The following PYGB variants were observed in gnomAD, a reference collection of about 807,000 sequenced individuals.
PYGB encodes glycogen phosphorylase, brain form.
PYGB carries 82 observed loss-of-function variants against 94.3 expected under a neutral mutation model. The observed-to-expected ratio is 0.87, with a 90% CI of 0.73 to 1.04. The LOEUF (loss-of-function observed/expected upper bound fraction) is 1.04. PYGB is among the 50% of genes least tolerant of loss of function. The pLI, the probability that PYGB is intolerant of heterozygous loss-of-function variation, is 0.00. For synonymous variants in PYGB, 488 were observed against 479.1 expected (o/e 1.02, Z -0.24); for missense variants, 1,132 against 1,158.2 (o/e 0.98, Z 0.33).
chr20:25,266,948 C>T (rs1342112374), intron 2 of PYGB, among the ~76,000 whole-genome samples: 1 of 152,198 alleles, frequency 6.6e-6, no homozygotes, highest in African/African-American at 2.4e-5. Flanking sequence ...AAAAGTTAAG[C>T]ATAGAATTCT....
At chr20:25,274,454 C>A in intron 4 of PYGB, 138 bp from the exon 5 acceptor site, 1 of 1,248,256 alleles carries the variant, frequency 8.0e-7, no homozygotes, top group Non-Finnish European at 1.1e-6. Flanking sequence ...GTGGGAATCC[C>A]GACCTGGTAA....
intron 7 of PYGB, among the ~76,000 whole-genome samples, chr20:25,277,721 C>G (rs1432736428): frequency 1.3e-5 from 2 of 152,222 alleles, no homozygotes; most frequent in African/African-American, 4.8e-5. Context: ...TCCAGGGGAC[C>G]GTAGCGCCTA....
intron 4 of PYGB, among the ~76,000 whole-genome samples, chr20:25,273,271 G>A (rs1400128204): frequency 6.6e-6 from 1 of 152,236 alleles, no homozygotes; most frequent in East Asian, 1.9e-4. Flanking sequence ...CAGATGGCCA[G>A]GCCCTGGTGT....
At chr20:25,259,194 T>C (rs1256076991) in intron 1 of PYGB, 43 bp from the exon 2 acceptor site, 2 of 1,499,334 alleles carry the variant, frequency 1.3e-6, no homozygotes, top group South Asian at 2.3e-5. Flanking sequence ...TCCTAAAGTG[T>C]AGAATGGAAT....
At chr20:25,288,761 T>C (rs2088440665) in intron 15 of PYGB, among the ~76,000 whole-genome samples, 1 of 152,130 alleles carries the variant, frequency 6.6e-6, no homozygotes, top group South Asian at 2.1e-4. Flanking sequence ...GGCAGTGTCC[T>C]TTCTCTTTGT....
At chr20:25,263,860 G>A (rs910358948) in intron 2 of PYGB, among the ~76,000 whole-genome samples, 6 of 152,206 alleles carry the variant, frequency 3.9e-5, no homozygotes, top group Non-Finnish European at 7.3e-5. Flanking sequence ...GTACAAGGAG[G>A]AGCTGCTACC....
rs1178036797 is a variant in PYGB at position 25,248,099 on chromosome 20, A to C, written c.-80A>C. On this transcript the variant is annotated 5_prime_UTR_variant, in exon 1 of 20. Transcript: ENST00000216962. ...TGCCGGGCGCCAGAGCAGCGGCGCC[A>C]GAGCAGCTGCACCATCCCGGCGTTC... is the stretch of plus-strand genomic sequence containing the variant. The C allele has an allele frequency of 1.5e-6, 2 of 1,358,102 alleles. No individual in the cohort carries two copies. Among genetic ancestry groups the C allele is most frequent in the Non-Finnish European group, 1.9e-6 (2 of 1,052,500 alleles). The allele number at this position is 1,358,102 out of a possible 1,614,324, so 84.1% of individuals were successfully genotyped here.
chr20:25,288,689 G>T (rs2085469274), intron 15 of PYGB: 2 of 617,250 alleles, frequency 3.2e-6, no homozygotes, highest in Non-Finnish European at 5.6e-6. Context: ...CCAGCTCACT[G>T]GAGGGGTCCC....
chr20:25,279,522 G>T (rs753147829), intron 9 of PYGB, among the ~76,000 whole-genome samples: 1 of 152,152 alleles, frequency 6.6e-6, no homozygotes, highest in South Asian at 2.1e-4. Context: ...ATATGTTTGT[G>T]TGGTAGGATT....
At chr20:25,291,474 AG>A (rs903420149) in intron 16 of PYGB, among the ~76,000 whole-genome samples, 4 of 152,106 alleles carry the variant, frequency 2.6e-5, no homozygotes, top group Non-Finnish European at 4.4e-5. Flanking sequence ...TCCGTGGTGC[AG>A]GGGGGGATCC....
intron 1 of PYGB, among the ~76,000 whole-genome samples, chr20:25,249,880 G>T (rs1043820474): frequency 2.1e-5 from 3 of 146,292 alleles, no homozygotes; most frequent in Admixed American, 1.4e-4. Context: ...TCTGAGTCTT[G>T]CCCTGTAGCG....
chr20:25,262,406 C>T (rs1257708837), intron 2 of PYGB, among the ~76,000 whole-genome samples: 1 of 152,090 alleles, frequency 6.6e-6, no homozygotes, highest in Non-Finnish European at 1.5e-5. Flanking sequence ...GAAATAAAAT[C>T]CTTTACAGAC....
At chr20:25,264,247 C>A (rs1229661213) in intron 2 of PYGB, among the ~76,000 whole-genome samples, 1 of 152,166 alleles carries the variant, frequency 6.6e-6, no homozygotes, top group African/African-American at 2.4e-5. Context: ...CAAAAACTCT[C>A]AATAAACTAG....
rs539600799 is a variant in PYGB at position 25,267,129 on chromosome 20, C to T, written c.346-2000C>T. On this transcript the variant is annotated intron_variant, in intron 2 of 19. Transcript: ENST00000216962. ...GGTAGGTAAACAAAATGTGGGCTAG[C>T]CATACAATGGAATAGTACACAGCAG... 8.5e-5 allele frequency among the ~76,000 whole-genome samples: 13 copies of T among 152,272 alleles called. No individual in the cohort carries two copies. The South Asian group carries it at 2.3e-3, about 27-fold the overall frequency.
intron 14 of PYGB, chr20:25,284,944 A>G (rs2088404393): frequency 6.6e-6 from 1 of 152,240 alleles, no homozygotes; most frequent in Non-Finnish European, 1.5e-5. Context: ...GGTTTAATAG[A>G]TAATGAAACC....
intron 5 of PYGB, among the ~76,000 whole-genome samples, chr20:25,275,484 A>G (rs2088303158): frequency 6.6e-6 from 1 of 152,208 alleles, no homozygotes; most frequent in South Asian, 2.1e-4. Context: ...CAATAACAGG[A>G]GAGCCTGGAG....
At chr20:25,275,190 A>G (rs1333313896) in intron 5 of PYGB, among the ~76,000 whole-genome samples, 5 of 152,252 alleles carry the variant, frequency 3.3e-5, no homozygotes, top group Non-Finnish European at 5.9e-5. Flanking sequence ...CAAAGCGTCA[A>G]CTGTCAGAGC....
intron 18 of PYGB, chr20:25,294,898 C>T (rs944710330): frequency 6.5e-7 from 1 of 1,541,328 alleles, no homozygotes; most frequent in East Asian, 2.3e-5. Context: ...ACCTGCCCTC[C>T]ACTTTCAGCT....
chr20:25,267,623 C>T (rs779614294), intron 2 of PYGB, among the ~76,000 whole-genome samples: 1 of 152,146 alleles, frequency 6.6e-6, no homozygotes, highest in Non-Finnish European at 1.5e-5. Flanking sequence ...CTCAACCTCC[C>T]GGGCTCAAGC....
Sources: gnomAD v4.1 joint callset for allele counts (sites outside exome capture counted in the v4.1 genomes callset) on GRCh38, gnomAD v4.1.1 for gene constraint, MANE v1.5 for transcripts, NCBI Gene and HGNC (gene_info 2026-07-23, HGNC 2026-07-21) for gene names.